The following PXDN variants were observed in gnomAD, a reference collection of about 807,000 sequenced individuals.
The protein encoded by PXDN is peroxidasin homolog.
A neutral mutation model predicts 140.3 loss-of-function variants in PXDN; 77 were observed. The observed-to-expected ratio is 0.55, with a 90% CI of 0.46 to 0.66. The LOEUF is 0.66. Among genes scored for constraint, PXDN ranks in the 30% least tolerant of loss-of-function variants. The pLI is 0.00. For missense variants in PXDN, 1,838 were observed against 2,039.5 expected, an observed-to-expected ratio of 0.90 and a Z score of 1.90; for synonymous variants, 911 against 857.4, an observed-to-expected ratio of 1.06 and a Z score of -1.09.
In PXDN at chr2:1,663,651, G is replaced by A. The variant is rs1236615112; in HGVS notation, c.1521C>T (p.Ile507=). ...QGQYECQAVN[I]IGSQKVVAHL... ...GGGCCACGACCTTCTGGGAGCCGAT[G>A]ATGTTGACAGCCTGGCATTCGTACT... The change falls in exon 12 of 23, where the codon ATC becomes ATT. Residue 507 remains isoleucine (I), a synonymous_variant. Transcript: ENST00000252804. 4 of 1,613,946 alleles carry A rather than the reference G, an allele frequency of 2.5e-6. No individual in the cohort carries two copies. The African/African-American group carries it at 5.3e-5, about 22-fold the overall frequency.
At chr2:1,739,173 C>T (rs1685483396) in intron 1 of PXDN, among the ~76,000 whole-genome samples, 1 of 152,152 alleles carries the variant, frequency 6.6e-6, no homozygotes, top group Non-Finnish European at 1.5e-5. Flanking sequence ...CACAGACCAT[C>T]TGGTCCGTTA....
chr2:1,654,779 G>A (rs1683092133), intron 14 of PXDN, among the ~76,000 whole-genome samples: 2 of 152,156 alleles, frequency 1.3e-5, no homozygotes, highest in African/African-American at 2.4e-5. Flanking sequence ...AAGATCTTAC[G>A]CTATATGCAA....
chr2:1,694,684 A>G (rs1684259893), intron 1 of PXDN, among the ~76,000 whole-genome samples: 1 of 152,232 alleles, frequency 6.6e-6, no homozygotes, highest in South Asian at 2.1e-4. Context: ...TCATATTCAG[A>G]ATATCACTAG....
rs1683017853 is a variant in PXDN at position 1,651,704 on chromosome 2, C to A, written c.2104+1924G>T. On this transcript the variant is annotated intron_variant, in intron 16 of 22. Coordinates refer to ENST00000252804, the MANE Select transcript of PXDN (RefSeq NM_012293.3). This position sits in a 1 kb window ranked among gnomAD's most constrained non-coding sequence, Gnocchi z 4.4. Reference sequence around the variant, plus strand: ...GGAGGCCCCCTCGCCCTTGTGGGGTCCCTGCTCACGTGTCACCTTCGCCCA... The same window carrying A: ...GGAGGCCCCCTCGCCCTTGTGGGGTACCTGCTCACGTGTCACCTTCGCCCA... 6.6e-6 allele frequency among the ~76,000 whole-genome samples: 1 copy of A among 152,196 alleles called. No individual in the cohort carries two copies. The highest frequency in any genetic ancestry group is 2.1e-4 in the South Asian group (1 of 4,818).
intron 1 of PXDN, among the ~76,000 whole-genome samples, chr2:1,721,525 T>A (rs1188726136): frequency 6.6e-6 from 1 of 152,254 alleles, no homozygotes; most frequent in African/African-American, 2.4e-5. Flanking sequence ...GATTGAGTTT[T>A]GCTTGTTGCT....
In PXDN at chr2:1,685,231, C is replaced by T. The variant is rs1684022705; in HGVS notation, c.417-1080G>A. ...GGAGGGCCCCCAAACGCAGACCATCCCTGCCCCTTGCCCCGGGACAGGTCT... is the reference window on the plus strand; with the variant it reads ...GGAGGGCCCCCAAACGCAGACCATCTCTGCCCCTTGCCCCGGGACAGGTCT... On this transcript the variant is annotated intron_variant, in intron 4 of 22. Transcript: ENST00000252804. The surrounding 1 kb of genome is among the most constrained non-coding windows in gnomAD (Gnocchi z 5.1). Among the ~76,000 whole-genome samples, 1 of 152,230 alleles carries T rather than the reference C, an allele frequency of 6.6e-6. No homozygotes were observed. The highest frequency in any genetic ancestry group is 2.4e-5 in the African/African-American group (1 of 41,464).
chr2:1,714,347 C>G lies in PXDN; in HGVS notation c.201-21213G>C, dbSNP rs1684849660. Among the ~76,000 whole-genome samples the G allele has an allele frequency of 6.6e-6, 1 of 152,186 alleles. No individual in the cohort carries two copies. Among genetic ancestry groups the G allele is most frequent in the Non-Finnish European group, 1.5e-5 (1 of 68,030 alleles). ...CCCCCGATGGTCCGGCACCCTGGCCCACTCGCTCCCATGCCTTTGAGAGGA... is the reference window on the plus strand; with the variant it reads ...CCCCCGATGGTCCGGCACCCTGGCCGACTCGCTCCCATGCCTTTGAGAGGA... On this transcript the variant is annotated intron_variant, in intron 1 of 22. Coordinates refer to ENST00000252804, the MANE Select transcript of PXDN (RefSeq NM_012293.3). The surrounding 1 kb of genome is among the most constrained non-coding windows in gnomAD (Gnocchi z 4.3).
chr2:1,660,285 A>G lies in PXDN; in HGVS notation c.1837+596T>C, dbSNP rs187454546. ...CCGGGCCTCTGTTACAAGAACCCGG[A>G]CAAGATGCCAAGGGCCTCGGGGTGA... On this transcript the variant is annotated intron_variant, in intron 14 of 22. Coordinates refer to ENST00000252804, the MANE Select transcript of PXDN (RefSeq NM_012293.3). This position sits in a 1 kb window ranked among gnomAD's most constrained non-coding sequence, Gnocchi z 4.6. 2.2e-3 allele frequency among the ~76,000 whole-genome samples: 330 copies of G among 152,262 alleles called. No homozygotes were observed. The highest frequency in any genetic ancestry group is 7.7e-3 in the African/African-American group (320 of 41,566).
rs2125423026 is a variant in PXDN, at chr2:1,661,014, A to G, written c.1704T>C (p.Ser568=). The G allele has an allele frequency of 6.2e-7, 1 of 1,613,952 alleles. No homozygotes were observed. Among genetic ancestry groups the G allele is most frequent in the East Asian group, 2.2e-5 (1 of 44,876 alleles). ...CTTCAGGGCTGATGTGAAATTTTCC[A>G]CTTTCTGTCACCTGAACCCCATCCT... ...WNKDGVQVTE[S]GKFHISPEGF... is the part of the protein sequence containing the mutation. Residue 568 remains serine (S), a synonymous_variant, in exon 14 of 23, where the codon AGT becomes AGC. Coordinates refer to ENST00000252804, the MANE Select transcript of PXDN (RefSeq NM_012293.3).
At chr2:1,680,022 C>T (rs111486767) in intron 7 of PXDN, among the ~76,000 whole-genome samples, 171 bp downstream of exon 7, 67 of 108,202 alleles carry the variant, frequency 6.2e-4, no homozygotes, top group Middle Eastern at 7.5e-3. Flanking sequence ...ATGGTGTATG[C>T]GTGTATGTGC....
chr2:1,683,643 G>GTTT lies in PXDN; in HGVS notation c.560+10_560+12dup. The GTTT allele has an allele frequency of 6.6e-7, 1 of 1,515,666 alleles. No homozygotes were observed. The highest frequency in any genetic ancestry group is 8.9e-7 in the Non-Finnish European group (1 of 1,123,504). 93.9% of individuals were successfully genotyped at this position (1,515,666 alleles called of 1,614,324 possible). A position where few individuals can be genotyped will look rare whatever the true frequency, so the allele number is the denominator to read the frequency against. ...CTTTGCAGCAAAGAAAACACAAAAG[G>GTTT]TTTTATACTCACAATCTCTTCATAG... On this transcript the variant is annotated intron_variant, in intron 6 of 22. Coordinates refer to ENST00000252804, the MANE Select transcript of PXDN (RefSeq NM_012293.3).
At chr2:1,737,259 C>G (rs890997295) in intron 1 of PXDN, among the ~76,000 whole-genome samples, 2 of 152,162 alleles carry the variant, frequency 1.3e-5, no homozygotes, top group Non-Finnish European at 2.9e-5. Context: ...CCTTGGAGTT[C>G]TGTGTCTCCC....
chr2:1,742,112 C>A (rs1186815616), intron 1 of PXDN, among the ~76,000 whole-genome samples: 1 of 152,220 alleles, frequency 6.6e-6, no homozygotes, highest in Non-Finnish European at 1.5e-5. Context: ...ATGCATCCAG[C>A]CAGGACTCCA....
At position 1,662,158 on chromosome 2, in the gene PXDN, T is replaced by C; in HGVS notation, c.1594A>G (p.Ser532Gly). 1 of 1,592,082 alleles carries C rather than the reference T, an allele frequency of 6.3e-7. No individual in the cohort carries two copies. The highest frequency in any genetic ancestry group is 8.6e-7 in the Non-Finnish European group (1 of 1,169,106). The change falls in exon 13 of 23, where the codon AGC becomes GGC. Residue 532 changes from serine (S) to glycine (G), a missense_variant. Ser to Gly is a moderately conservative substitution (Grantham distance 56, BLOSUM62 0). This residue lies in a region of PXDN where 537 missense variants were observed against 583.9 expected (regional missense o/e 0.92). Transcript: ENST00000252804. ...RVTPVFASIPSDTTVEVGANV... is the reference protein window; with the variant it reads ...RVTPVFASIPGDTTVEVGANV... Reference sequence around the variant, plus strand: ...GCGCCCACCTCCACTGTTGTGTCGCTGGGAATGCTGGCAAACACTGGGGTG... The same window carrying C: ...GCGCCCACCTCCACTGTTGTGTCGCCGGGAATGCTGGCAAACACTGGGGTG...
At chr2:1,705,130 G>A (rs1386663100) in intron 1 of PXDN, among the ~76,000 whole-genome samples, 3 of 150,366 alleles carry the variant, frequency 2.0e-5, no homozygotes, top group Non-Finnish European at 4.4e-5. Flanking sequence ...CAGAGGGCAC[G>A]TCTGCACACA....
chr2:1,706,964 C>T (rs62116629), intron 1 of PXDN, among the ~76,000 whole-genome samples: 11 of 104,096 alleles, frequency 1.1e-4, no homozygotes, highest in African/African-American at 2.6e-4. Context: ...TAATACAATC[C>T]GAGAGCACGC....
intron 1 of PXDN, among the ~76,000 whole-genome samples, chr2:1,733,767 A>AAAAAAAAG (rs1685365207): frequency 1.3e-5 from 2 of 149,604 alleles, no homozygotes; most frequent in Non-Finnish European, 3.0e-5. Context: ...AAAAAAAAAA[A>AAAAAAAAG]GCAGTGTCAG....
chr2:1,743,697 G>C (rs915799141), intron 1 of PXDN, among the ~76,000 whole-genome samples: 1 of 30,436 alleles, frequency 3.3e-5, no homozygotes, highest in African/African-American at 1.8e-4. Context: ...AGGAGGAGGA[G>C]GAAGGGGAGG....
At position 1,744,460 on chromosome 2, in the gene PXDN, G is replaced by A. The variant is rs1388356536; in HGVS notation, c.-5C>T. ...GCCCCTGGAGCGCTTGGCCATGGCC[G>A]ACGGCGCGGACGGACGCTCGGACGC... On this transcript the variant is annotated 5_prime_UTR_variant, in exon 1 of 23. Coordinates refer to ENST00000252804, the MANE Select transcript of PXDN (RefSeq NM_012293.3). 9.7e-6 allele frequency: 14 copies of A among 1,449,106 alleles called. No homozygotes were observed. The highest frequency in any genetic ancestry group is 1.3e-5 in the Non-Finnish European group (14 of 1,109,148). The allele number at this position is 1,449,106 out of a possible 1,614,324, so 89.8% of individuals were successfully genotyped here.
Sources: allele counts gnomAD v4.1 joint callset (sites outside exome capture counted in the v4.1 genomes callset), GRCh38; gene constraint gnomAD v4.1.1; regional missense constraint gnomAD v4.1.1; non-coding constraint Gnocchi (gnomAD v3.1); transcripts MANE v1.5; gene names NCBI Gene and HGNC (gene_info 2026-07-23, HGNC 2026-07-21).